HIRA: variants seen among roughly 807,000 people sequenced by gnomAD.
The protein encoded by HIRA is histone cell cycle regulator, also known as protein HIRA.
HIRA carries 13 observed loss-of-function variants against 126.6 expected under a neutral mutation model. The ratio of observed to expected loss-of-function variants is 0.10; its 90% CI spans 0.07 to 0.16. HIRA has a LOEUF of 0.16. HIRA is among the 10% of genes least tolerant of loss of function. The pLI is 1.00. For synonymous variants in HIRA, 511 were observed against 520.0 expected (o/e 0.98, Z 0.24); for missense variants, 834 against 1,314.4 (o/e 0.63, Z 5.65).
chr22:19,351,695 T>C lies in HIRA; in HGVS notation c.2849-249A>G, dbSNP rs1399936947. ...TGACATCTGTAGTGCCTCCTCTGTG[T>C]GTTGGGCCCAGAGGAAAAACGAGAT... On this transcript the variant is annotated intron_variant, in intron 23 of 24. Coordinates refer to ENST00000263208, the MANE Select transcript of HIRA (RefSeq NM_003325.4). This position sits in a 1 kb window ranked among gnomAD's most constrained non-coding sequence, Gnocchi z 4.8. Among the ~76,000 whole-genome samples, 1 of 152,148 alleles carries C rather than the reference T, an allele frequency of 6.6e-6. No individual in the cohort carries two copies. The highest frequency in any genetic ancestry group is 1.5e-5 in the Non-Finnish European group (1 of 68,020).
intron 13 of HIRA, among the ~76,000 whole-genome samples, chr22:19,378,787 T>A (rs1315145692): frequency 6.6e-6 from 1 of 152,224 alleles, no homozygotes; most frequent in African/African-American, 2.4e-5. Flanking sequence ...AAGATTCACA[T>A]AATATATGGG....
intron 1 of HIRA, among the ~76,000 whole-genome samples, chr22:19,427,707 C>T (rs1436966042): frequency 6.6e-6 from 1 of 152,204 alleles, no homozygotes; most frequent in African/African-American, 2.4e-5. Flanking sequence ...TTGGTTAGAA[C>T]TGGCTTCACC....
At chr22:19,418,705 CT>C (rs2089419875) in intron 1 of HIRA, among the ~76,000 whole-genome samples, 1 of 152,152 alleles carries the variant, frequency 6.6e-6, no homozygotes, top group Non-Finnish European at 1.5e-5. Flanking sequence ...ATACATGAAC[CT>C]GCACAGGTGA....
chr22:19,431,289 G>T, intron 1 of HIRA, 151 bp downstream of exon 1: 1 of 855,566 alleles, frequency 1.2e-6, no homozygotes, highest in African/African-American at 1.7e-5. Flanking sequence ...TCCGCGCTGA[G>T]GACAAAGTCC....
intron 17 of HIRA, 29 bp from the exon 18 acceptor site, chr22:19,359,513 C>G: frequency 6.4e-7 from 1 of 1,555,246 alleles, no homozygotes; most frequent in Non-Finnish European, 8.7e-7. Flanking sequence ...CGGGTCTGCT[C>G]AGACAAGGGC....
intron 15 of HIRA, among the ~76,000 whole-genome samples, chr22:19,366,608 AAG>A (rs1280209053): frequency 6.6e-6 from 1 of 152,204 alleles, no homozygotes; most frequent in African/African-American, 2.4e-5. Context: ...AGAGAACTAG[AAG>A]TAAAGCCTGA....
Position 19,331,101 on chromosome 22 carries a change from C to T in HIRA, c.*339G>A. The T allele has an allele frequency of 8.1e-7, 1 of 1,227,200 alleles. No homozygotes were observed. The allele number at this position is 1,227,200 out of a possible 1,614,324, so 76.0% of individuals were successfully genotyped here. ...TCGTCACTGCTGAAGCAGCATGGTG[C>T]CTGCAGCAGCAGGGGCTAGTGTCCA... On this transcript the variant is annotated 3_prime_UTR_variant, in exon 25 of 25. Coordinates refer to ENST00000263208, the MANE Select transcript of HIRA (RefSeq NM_003325.4).
At chr22:19,410,392 C>T (rs1292236188) in intron 2 of HIRA, among the ~76,000 whole-genome samples, 2 of 152,180 alleles carry the variant, frequency 1.3e-5, no homozygotes, top group African/African-American at 4.8e-5. Context: ...GCCCTTGTCT[C>T]TGGGGCTGGG....
At chr22:19,360,778 T>C (rs1266347303) in intron 17 of HIRA, among the ~76,000 whole-genome samples, 1 of 152,244 alleles carries the variant, frequency 6.6e-6, no homozygotes, top group Non-Finnish European at 1.5e-5. Flanking sequence ...CTTACAAGCT[T>C]CCATTCCAAG....
intron 24 of HIRA, among the ~76,000 whole-genome samples, chr22:19,333,344 T>C (rs1479530654): frequency 6.6e-6 from 1 of 152,078 alleles, no homozygotes; most frequent in African/African-American, 2.4e-5. Flanking sequence ...AAGATATGAT[T>C]ACTATCAACT....
intron 5 of HIRA, among the ~76,000 whole-genome samples, chr22:19,405,236 C>T (rs1023995738): frequency 1.3e-5 from 2 of 152,206 alleles, no homozygotes; most frequent in Non-Finnish European, 2.9e-5. Flanking sequence ...CTGGACCAAA[C>T]GGACTCAGAC....
At chr22:19,342,399 G>A (rs1309349771) in intron 24 of HIRA, among the ~76,000 whole-genome samples, 2 of 152,098 alleles carry the variant, frequency 1.3e-5, no homozygotes, top group Admixed American at 6.6e-5. Context: ...ATGGGGACTC[G>A]TTCTGGAGAT....
In HIRA at chr22:19,422,167, T is replaced by TACACACACACAC. The variant is rs1414193157; in HGVS notation, c.37+9272_37+9273insGTGTGTGTGTGT. ...TTTATACCTGAAAAGAATGTGTTTATATATACACACACACACACACACACA... is the reference window on the plus strand; with the variant it reads ...TTTATACCTGAAAAGAATGTGTTTATACACACACACACATATACACACACACACACACACACA... On this transcript the variant is annotated intron_variant, in intron 1 of 24. Coordinates refer to ENST00000263208, the MANE Select transcript of HIRA (RefSeq NM_003325.4). 6.5e-3 allele frequency among the ~76,000 whole-genome samples: 363 copies of TACACACACACAC among 56,182 alleles called. 2 individuals carry two copies. Among genetic ancestry groups the TACACACACACAC allele is most frequent in the African/African-American group, 0.033 (351 of 10,540 alleles). The allele number at this position is 56,182 out of a possible 152,430, so 36.9% of individuals were successfully genotyped here.
Position 19,356,962 on chromosome 22 carries a change from G to C in HIRA, c.2324C>G (p.Ser775Cys). ...TGTGCAATGCAAAGTAGAGATCGGG[G>C]ATGGCAGGAGGATGGGAGAGAGGAG... ...RRLLSPILLPSPISTLHCTGS... is the reference protein window; with the variant it reads ...RRLLSPILLPCPISTLHCTGS... The change falls in exon 19 of 25, where the codon TCC (serine) becomes TGC (cysteine). Residue 775 changes from serine to cysteine, a missense_variant. Physicochemically the swap from Ser to Cys is moderately radical, Grantham distance 112. Transcript: ENST00000263208. 6.2e-7 allele frequency: 1 copy of C among 1,614,058 alleles called. No individual in the cohort carries two copies. The highest frequency in any genetic ancestry group is 1.3e-5 in the African/African-American group (1 of 75,056).
At chr22:19,333,006 T>TC (rs1469235165) in intron 24 of HIRA, among the ~76,000 whole-genome samples, 1 of 152,174 alleles carries the variant, frequency 6.6e-6, no homozygotes, top group African/African-American at 2.4e-5. Context: ...CCTCCCAGGC[T>TC]CAAGTGATCC....
intron 24 of HIRA, among the ~76,000 whole-genome samples, chr22:19,338,137 C>T (rs1485979821): frequency 6.6e-6 from 1 of 152,074 alleles, no homozygotes; most frequent in Non-Finnish European, 1.5e-5. Flanking sequence ...AGATACCCTA[C>T]AAGCCAGAAG....
Position 19,342,450 on chromosome 22 carries a change from G to A in HIRA, c.2937+8908C>T, listed in dbSNP as rs568079295. 7.2e-5 allele frequency among the ~76,000 whole-genome samples: 11 copies of A among 152,240 alleles called. No individual in the cohort carries two copies. In the South Asian group the frequency reaches 1.5e-3, roughly 20 times the overall value. Reference sequence around the variant, plus strand: ...CACCCAGGCTGGAATGCAGTGGCACGATCTCGGCTCACTGGAACCTCTGCC... The same window carrying A: ...CACCCAGGCTGGAATGCAGTGGCACAATCTCGGCTCACTGGAACCTCTGCC... On this transcript the variant is annotated intron_variant, in intron 24 of 24. Coordinates refer to ENST00000263208, the MANE Select transcript of HIRA (RefSeq NM_003325.4).
rs1556012522 is a variant in HIRA at position 19,356,270 on chromosome 22, C to T, written c.2415G>A (p.Val805=). 3 of 1,613,974 alleles carry T rather than the reference C, an allele frequency of 1.9e-6. No homozygotes were observed. Among genetic ancestry groups the T allele is most frequent in the Non-Finnish European group, 2.5e-6 (3 of 1,179,976 alleles). ...GTAGAGACTCTTCTTTCACCACAACCACCTGTCTGTGAACATCCCTAGGAG... is the reference window on the plus strand; with the variant it reads ...GTAGAGACTCTTCTTTCACCACAACTACCTGTCTGTGAACATCCCTAGGAG... The part of the protein sequence containing the change: ...TLSVWDVHRQ[V]VVVKEESLHS... Residue 805 remains valine, a synonymous_variant, in exon 20 of 25, where the codon GTG becomes GTA. Transcript: ENST00000263208.
In HIRA at chr22:19,398,058, C is replaced by T; in HGVS notation, c.427G>A (p.Asp143Asn). Residue 143 changes from aspartate to asparagine, a missense_variant, in exon 6 of 25, where the codon GAT becomes AAT. By Grantham distance (23) the Asp-to-Asn change is conservative (BLOSUM62 1). Transcript: ENST00000263208. ...DVMDVAWSPH[D>N]AWLASCSVDN... ...ACGCTGCATGAGGCTAGCCAGGCAT[C>T]GTGGGGAGACCATGCTACATCCATC... 2 of 1,614,020 alleles carry T rather than the reference C, an allele frequency of 1.2e-6. No homozygotes were observed. Among genetic ancestry groups the T allele is most frequent in the Non-Finnish European group, 1.7e-6 (2 of 1,179,942 alleles).
Sources: allele counts gnomAD v4.1 joint callset (sites outside exome capture counted in the v4.1 genomes callset), GRCh38; gene constraint gnomAD v4.1.1; non-coding constraint Gnocchi (gnomAD v3.1); transcripts MANE v1.5; gene names NCBI Gene and HGNC (gene_info 2026-07-23, HGNC 2026-07-21).